The following PCSK7 variants were observed in gnomAD, a reference collection of about 807,000 sequenced individuals.
The protein encoded by PCSK7 is proprotein convertase subtilisin/kexin type 7, also known as lymphoma proprotein convertase.
In PCSK7, 38 loss-of-function variants were observed where a neutral mutation model predicts 73.3. The observed-to-expected ratio is 0.52, with a 90% CI of 0.40 to 0.68. The LOEUF is 0.68. Among genes scored for constraint, PCSK7 ranks in the 30% least tolerant of loss-of-function variants. The pLI, the probability that PCSK7 is intolerant of heterozygous loss-of-function variation, is 0.00. For synonymous variants in PCSK7, 296 were observed against 383.8 expected (o/e 0.77, Z 2.68); for missense variants, 692 against 991.5 (o/e 0.70, Z 4.06).
At chr11:117,215,380 G>GTGTGTGTGTATATATATATA (rs1164738557) in intron 12 of PCSK7, 15 of 55,864 alleles carry the variant, frequency 2.7e-4, no homozygotes, top group Non-Finnish European at 3.9e-4. Context: ...GTGTGTGTGT[G>GTGTGTGTGTATATATATATA]TATATATATA....
chr11:117,226,154 T>C, intron 5 of PCSK7, 133 bp from the exon 6 acceptor site: 1 of 633,234 alleles, frequency 1.6e-6, no homozygotes, highest in Non-Finnish European at 2.8e-6. Context: ...TTTTTTTTTT[T>C]TGAGATAAAG....
At position 117,219,163 on chromosome 11, in the gene PCSK7, T is replaced by A; in HGVS notation, c.1325A>T (p.Tyr442Phe). The change falls in exon 11 of 17, where the codon TAT becomes TTT. Residue 442 changes from tyrosine to phenylalanine, a missense_variant and splice_region_variant. Transcript: ENST00000320934. ...GACCCACTCTGCACGGCGATCCTCA[T>A]ACTGAAAGGACAGAGGTCCTGGTTA... ...QHIIVFTATR[Y>F]EDRRAEWVTN... 6.2e-7 allele frequency: 1 copy of A among 1,603,116 alleles called. No homozygotes were observed. Among genetic ancestry groups the A allele is most frequent in the South Asian group, 1.1e-5 (1 of 90,492 alleles).
chr11:117,231,790 G>A (rs944794768), intron 1 of PCSK7: 4 of 152,372 alleles, frequency 2.6e-5, no homozygotes, highest in Non-Finnish European at 4.4e-5. Flanking sequence ...TGGGTACCGG[G>A]TCAGTTTCCC....
In PCSK7 at chr11:117,230,804, A is replaced by G. The variant is rs140850772; in HGVS notation, c.-132-336T>C. Among the ~76,000 whole-genome samples, 991 of 152,268 alleles carry G rather than the reference A, an allele frequency of 6.5e-3. 6 individuals are homozygous for G. Among genetic ancestry groups the G allele is most frequent in the Middle Eastern group, 0.02 (6 of 294 alleles). Reference sequence around the variant, plus strand: ...TAACTTCTTGATTTGTATATCCCAGAAGGATACCAGGGAAAGTGAAAGGAG... The same window carrying G: ...TAACTTCTTGATTTGTATATCCCAGGAGGATACCAGGGAAAGTGAAAGGAG... On this transcript the variant is annotated intron_variant, in intron 1 of 16. Transcript: ENST00000320934.
In PCSK7 at chr11:117,205,312, G is replaced by A. The variant is rs966664187; in HGVS notation, c.*685C>T. 1.3e-5 allele frequency: 3 copies of A among 233,620 alleles called. No individual in the cohort carries two copies. Among genetic ancestry groups the A allele is most frequent in the African/African-American group, 6.6e-5 (3 of 45,370 alleles). The allele number at this position is 233,620 out of a possible 1,614,324, so 14.5% of individuals were successfully genotyped here. A position where few individuals can be genotyped will look rare whatever the true frequency, so the allele number is the denominator to read the frequency against. On this transcript the variant is annotated 3_prime_UTR_variant, in exon 17 of 17. Transcript: ENST00000320934. ...AAGACAGGGTGGTGGCAGGACTGGA[G>A]TGGCAGTGGCTCCCAAGGCTCTCTC...
chr11:117,215,380 G>GTGTGTGTGTGTGTATATA (rs1164738557), intron 12 of PCSK7: 1 of 55,902 alleles, frequency 1.8e-5, no homozygotes, highest in Non-Finnish European at 2.8e-5. Flanking sequence ...GTGTGTGTGT[G>GTGTGTGTGTGTGTATATA]TATATATATA....
chr11:117,204,370 G>A lies in PCSK7; in HGVS notation c.*1627C>T. ...CAGATCATCAGTTAGAGCGGAGAGGGCTAGCCCTGAGCCCGGCCCTCCCCC... is the reference window on the plus strand; with the variant it reads ...CAGATCATCAGTTAGAGCGGAGAGGACTAGCCCTGAGCCCGGCCCTCCCCC... On this transcript the variant is annotated 3_prime_UTR_variant, in exon 17 of 17. Coordinates refer to ENST00000320934, the MANE Select transcript of PCSK7 (RefSeq NM_004716.4). 2 of 1,614,222 alleles carry A rather than the reference G, an allele frequency of 1.2e-6. No individual in the cohort carries two copies. The highest frequency in any genetic ancestry group is 1.7e-6 in the Non-Finnish European group (2 of 1,180,030).
chr11:117,208,896 C>T lies in PCSK7; in HGVS notation c.1691+1G>A, dbSNP rs145370185. 2,167 of 1,610,266 alleles carry T rather than the reference C, an allele frequency of 1.3e-3. No homozygotes were observed. Among genetic ancestry groups the T allele is most frequent in the Non-Finnish European group, 1.6e-3 (1,940 of 1,178,526 alleles). On this transcript the variant is annotated splice_donor_variant, in intron 13 of 16. Coordinates refer to ENST00000320934, the MANE Select transcript of PCSK7 (RefSeq NM_004716.4). LOFTEE classifies it high-confidence loss of function. The stretch of plus-strand genomic sequence containing the variant: ...CTCAGGCCTCGGGCGGGTGTACATA[C>T]GAGTCCATGCTGCGGGGGGCGCCGA...
At chr11:117,231,453 T>C (rs1404825022) in intron 1 of PCSK7, among the ~76,000 whole-genome samples, 2 of 152,062 alleles carry the variant, frequency 1.3e-5, no homozygotes, top group Non-Finnish European at 2.9e-5. Flanking sequence ...GTAAACAAAC[T>C]AACAAACAAA....
At chr11:117,220,623 C>T (rs1416445203) in intron 9 of PCSK7, 1 of 152,376 alleles carries the variant, frequency 6.6e-6, no homozygotes, top group African/African-American at 2.4e-5. Context: ...CCCTTCAACC[C>T]CCACAACCAA....
chr11:117,226,127 C>A, intron 5 of PCSK7, 106 bp from the exon 6 acceptor site: 1 of 682,214 alleles, frequency 1.5e-6, no homozygotes, highest in Non-Finnish European at 2.6e-6. Context: ...CCTACATGCT[C>A]TTTGTACATT....
At position 117,205,533 on chromosome 11, in the gene PCSK7, A is replaced by G. The variant is rs1474970408; in HGVS notation, c.*464T>C. 1.3e-5 allele frequency: 3 copies of G among 235,300 alleles called. No individual in the cohort carries two copies. Among genetic ancestry groups the G allele is most frequent in the Non-Finnish European group, 2.5e-5 (3 of 119,394 alleles). 14.6% of individuals were successfully genotyped at this position (235,300 alleles called of 1,614,324 possible). A position where few individuals can be genotyped will look rare whatever the true frequency, so the allele number is the denominator to read the frequency against. ...CATCTTGGGAATGGATAATGGAGGC[A>G]GCCGCTTTCAGGACAGGCATGTCCA... On this transcript the variant is annotated 3_prime_UTR_variant, in exon 17 of 17. Coordinates refer to ENST00000320934, the MANE Select transcript of PCSK7 (RefSeq NM_004716.4).
intron 9 of PCSK7, 183 bp from the exon 10 acceptor site, chr11:117,219,941 T>TA (rs1222385022): frequency 6.5e-6 from 3 of 462,540 alleles, no homozygotes; most frequent in African/African-American, 6.2e-5. Context: ...CTTTAAAAAA[T>TA]AAAAAAAGAA....
At chr11:117,219,570 G>C in intron 10 of PCSK7, 21 bp downstream of exon 10, 1 of 1,609,502 alleles carries the variant, frequency 6.2e-7, no homozygotes, top group Middle Eastern at 1.7e-4. Flanking sequence ...CAGGCCACTT[G>C]TCTACCTGCT....
intron 6 of PCSK7, chr11:117,225,055 CTTTTTT>C (rs571538440): frequency 1.5e-5 from 2 of 134,370 alleles, no homozygotes; most frequent in African/African-American, 3.1e-5. Context: ...ACATGTAGAC[CTTTTTT>C]TTTTTTTTTT....
At chr11:117,224,579 T>C (rs945734590) in intron 7 of PCSK7, 122 bp downstream of exon 7, 7 of 844,658 alleles carry the variant, frequency 8.3e-6, no homozygotes, top group Admixed American at 5.4e-5. Context: ...TTAGGTGTTC[T>C]CTTCCTGAAA....
chr11:117,229,186 G>GA (rs1362388349), intron 3 of PCSK7, among the ~76,000 whole-genome samples, 191 bp downstream of exon 3: 4 of 152,352 alleles, frequency 2.6e-5, no homozygotes, highest in African/African-American at 7.2e-5. Flanking sequence ...TCTGTGCCCT[G>GA]AGCACTGTAG....
rs1485806873 is a variant in PCSK7, at chr11:117,225,817, C to T, written c.860+114G>A. 1.4e-5 allele frequency: 10 copies of T among 697,950 alleles called. No individual in the cohort carries two copies. The Admixed American group carries it at 2.1e-4, about 14-fold the overall frequency. 43.2% of individuals were successfully genotyped at this position (697,950 alleles called of 1,614,324 possible). Reference sequence around the variant, plus strand: ...GAAGGCAATGGACTTATTAGCTGAACCCAATGAGGAGACCCCTGCTCCGGC... The same window carrying T: ...GAAGGCAATGGACTTATTAGCTGAATCCAATGAGGAGACCCCTGCTCCGGC... On this transcript the variant is annotated intron_variant, in intron 6 of 16. Coordinates refer to ENST00000320934, the MANE Select transcript of PCSK7 (RefSeq NM_004716.4).
chr11:117,229,428 G>T lies in PCSK7; in HGVS notation c.417C>A (p.Ala139=). ...GGTCGTTGAAGTGGACGCTGCGCTT[G>T]GCCCGCCTTAGCAGCCTCTGCTCTG... ...WHSEQRLLRR[A]KRSVHFNDPK... is the part of the protein sequence containing the mutation. The change falls in exon 3 of 17, where the codon GCC becomes GCA. Residue 139 remains alanine, a synonymous_variant. Coordinates refer to ENST00000320934, the MANE Select transcript of PCSK7 (RefSeq NM_004716.4). 1 of 1,609,888 alleles carries T rather than the reference G, an allele frequency of 6.2e-7. No individual in the cohort carries two copies. The highest frequency in any genetic ancestry group is 8.5e-7 in the Non-Finnish European group (1 of 1,180,016).
Sources: allele counts gnomAD v4.1 joint callset (sites outside exome capture counted in the v4.1 genomes callset), GRCh38; gene constraint gnomAD v4.1.1; transcripts MANE v1.5; gene names NCBI Gene and HGNC (gene_info 2026-07-23, HGNC 2026-07-21).